Variants in PPP5C observed in about 807,000 individuals in gnomAD.
The protein encoded by PPP5C is serine/threonine-protein phosphatase 5.
PPP5C carries 21 observed loss-of-function variants against 66.7 expected under a neutral mutation model. That is an observed-to-expected ratio of 0.31 (90% CI 0.22 to 0.45). The LOEUF (loss-of-function observed/expected upper bound fraction) is 0.45, where lower values mean the gene tolerates loss of function less well. PPP5C is among the 20% of genes least tolerant of loss of function. PPP5C has a pLI of 1.00. For missense variants in PPP5C, 464 were observed against 675.9 expected, an observed-to-expected ratio of 0.69 and a Z score of 3.48; for synonymous variants, 246 against 257.4, an observed-to-expected ratio of 0.96 and a Z score of 0.43.
intron 2 of PPP5C, among the ~76,000 whole-genome samples, chr19:46,372,817 TA>T (rs966896474): frequency 3.2e-4 from 48 of 151,834 alleles, no homozygotes; most frequent in African/African-American, 1.1e-3. Context: ...ACTGCCACTT[TA>T]AAAAAAAAGT....
intron 11 of PPP5C, among the ~76,000 whole-genome samples, chr19:46,389,362 AAC>A (rs57181889): frequency 9.2e-5 from 9 of 98,032 alleles, no homozygotes; most frequent in East Asian, 6.8e-4. Flanking sequence ...TCCATCTCAA[AAC>A]ACACACACAC....
intron 2 of PPP5C, among the ~76,000 whole-genome samples, chr19:46,363,493 GATC>G (rs1972436683): frequency 6.6e-6 from 1 of 151,092 alleles, no homozygotes; most frequent in African/African-American, 2.4e-5. Flanking sequence ...GCAGTGGCGC[GATC>G]TCGGCTCACT....
chr19:46,366,782 C>G (rs1335936629), intron 2 of PPP5C, among the ~76,000 whole-genome samples: 1 of 152,180 alleles, frequency 6.6e-6, no homozygotes, highest in African/African-American at 2.4e-5. Context: ...GTTACGGTGT[C>G]TGTGGTTGGT....
chr19:46,378,164 T>G (rs528720545), intron 4 of PPP5C, among the ~76,000 whole-genome samples: 4 of 152,364 alleles, frequency 2.6e-5, no homozygotes, highest in Admixed American at 2.6e-4. Flanking sequence ...AGGCAGTAAG[T>G]TAGCTGCGTC....
chr19:46,388,288 C>T lies in PPP5C; in HGVS notation c.1136-120C>T, dbSNP rs1166772281. 9.0e-7 allele frequency: 1 copy of T among 1,115,402 alleles called. No individual in the cohort carries two copies. Among genetic ancestry groups the T allele is most frequent in the Non-Finnish European group, 1.3e-6 (1 of 793,516 alleles). 69.1% of individuals were successfully genotyped at this position (1,115,402 alleles called of 1,614,324 possible). A position where few individuals can be genotyped will look rare whatever the true frequency, so the allele number is the denominator to read the frequency against. On this transcript the variant is annotated intron_variant, in intron 9 of 12. Coordinates refer to ENST00000012443, the MANE Select transcript of PPP5C (RefSeq NM_006247.4). This position sits in a 1 kb window ranked among gnomAD's most constrained non-coding sequence, Gnocchi z 4.9. The stretch of plus-strand genomic sequence containing the variant: ...CCATGTCCATGCTGGATGTCCCCTG[C>T]CCAACACCCACCCAGGCTGGGCTGT...
At chr19:46,370,566 GCTT>G (rs1460593858) in intron 2 of PPP5C, among the ~76,000 whole-genome samples, 1 of 152,176 alleles carries the variant, frequency 6.6e-6, no homozygotes, top group Non-Finnish European at 1.5e-5. Context: ...GGTTCGCTTG[GCTT>G]CTTTTTTCGT....
chr19:46,389,353 CCATCTCAAAACA>C (rs1972953757), intron 11 of PPP5C, among the ~76,000 whole-genome samples: 1 of 134,600 alleles, frequency 7.4e-6, no homozygotes, highest in African/African-American at 3.1e-5. Flanking sequence ...GAGTAAGACT[CCATCTCAAAACA>C]CACACACACA....
intron 11 of PPP5C, 133 bp from the exon 12 acceptor site, chr19:46,389,918 C>T: frequency 2.7e-6 from 2 of 746,796 alleles, no homozygotes; most frequent in East Asian, 2.6e-5. Context: ...CTCTGTCTCT[C>T]TGTCCATCTG....
chr19:46,352,833 AAAAG>A (rs1972213713), intron 1 of PPP5C, among the ~76,000 whole-genome samples: 1 of 151,484 alleles, frequency 6.6e-6, no homozygotes, highest in Admixed American at 6.6e-5. Context: ...AAAAAAAAAA[AAAAG>A]AAGGCCCACT....
chr19:46,355,448 C>T (rs1972268940), intron 2 of PPP5C, among the ~76,000 whole-genome samples: 1 of 152,114 alleles, frequency 6.6e-6, no homozygotes, highest in Admixed American at 6.5e-5. Context: ...AGACACTGTC[C>T]TGGCTGTTGG....
intron 1 of PPP5C, among the ~76,000 whole-genome samples, chr19:46,349,396 A>AG (rs958428852): frequency 1.3e-5 from 2 of 152,014 alleles, no homozygotes; most frequent in Admixed American, 1.3e-4. Flanking sequence ...TGCACAGGAG[A>AG]GGGGGGACTT....
chr19:46,357,773 G>T (rs1972312434), intron 2 of PPP5C, among the ~76,000 whole-genome samples: 1 of 152,204 alleles, frequency 6.6e-6, no homozygotes, highest in Non-Finnish European at 1.5e-5. Context: ...CAACGTGTGG[G>T]ATGGAGTGCA....
intron 1 of PPP5C, among the ~76,000 whole-genome samples, chr19:46,350,372 C>T (rs1349553176): frequency 2.0e-5 from 3 of 152,182 alleles, no homozygotes; most frequent in Non-Finnish European, 4.4e-5. Context: ...TGGGAGCAGC[C>T]TGCATGGGGG....
In PPP5C at chr19:46,355,219, A is replaced by G. The variant is rs1305666606; in HGVS notation, c.363+1230A>G. Among the ~76,000 whole-genome samples, 12 of 152,332 alleles carry G rather than the reference A, an allele frequency of 7.9e-5. No homozygotes were observed. In the South Asian group the frequency reaches 2.1e-3, roughly 26 times the overall value. On this transcript the variant is annotated intron_variant, in intron 2 of 12. Coordinates refer to ENST00000012443, the MANE Select transcript of PPP5C (RefSeq NM_006247.4). ...ACGGGGCCGTGCGCTTGTCCTGCGC[A>G]TGGGGATGGTGCAGCAGGGGGCTTG...
At chr19:46,381,028 C>T (rs1237536435) in intron 4 of PPP5C, among the ~76,000 whole-genome samples, 1 of 152,150 alleles carries the variant, frequency 6.6e-6, no homozygotes, top group East Asian at 1.9e-4. Context: ...TTCCTTAGAT[C>T]TTAATGACCT....
intron 11 of PPP5C, among the ~76,000 whole-genome samples, chr19:46,389,637 A>C (rs1411060089): frequency 6.6e-6 from 1 of 151,824 alleles, no homozygotes; most frequent in Non-Finnish European, 1.5e-5. Flanking sequence ...TTGTTGAAGA[A>C]TAGGTTGCTG....
chr19:46,387,165 A>T lies in PPP5C; in HGVS notation c.977A>T (p.Gln326Leu), dbSNP rs750238426. 1 of 1,614,246 alleles carries T rather than the reference A, an allele frequency of 6.2e-7. No homozygotes were observed. The highest frequency in any genetic ancestry group is 1.1e-5 in the South Asian group (1 of 91,084). ...GAGGTGAAGGCCAAGTACACAGCCC[A>T]GATGTACGAGCTCTTTAGCGAGGTG... ...EGEVKAKYTA[Q>L]MYELFSEVFE... is the part of the protein sequence containing the mutation. Residue 326 changes from glutamine to leucine, a missense_variant, in exon 8 of 13, where the codon CAG becomes CTG. Gln to Leu is a moderately radical substitution (Grantham distance 113). Transcript: ENST00000012443.
intron 1 of PPP5C, among the ~76,000 whole-genome samples, chr19:46,351,811 A>G (rs1165354299): frequency 6.6e-6 from 1 of 152,244 alleles, no homozygotes; most frequent in Non-Finnish European, 1.5e-5. Flanking sequence ...CTCAACAGTG[A>G]CGATGAGAGT....
In PPP5C at chr19:46,388,345, C is replaced by A; in HGVS notation, c.1136-63C>A. On this transcript the variant is annotated intron_variant, in intron 9 of 12. Transcript: ENST00000012443. The surrounding 1 kb of genome is among the most constrained non-coding windows in gnomAD (Gnocchi z 4.9). ...AGCACCTGGCCGGGCCAGGAGGTGG[C>A]CTGTGAGTGACCACCCCCGGGGAGG... 1.3e-6 allele frequency: 2 copies of A among 1,537,292 alleles called. No homozygotes were observed. The highest frequency in any genetic ancestry group is 1.8e-5 in the Admixed American group (1 of 54,964).
Sources: gnomAD v4.1 joint callset for allele counts (sites outside exome capture counted in the v4.1 genomes callset) on GRCh38, gnomAD v4.1.1 for gene constraint, Gnocchi (gnomAD v3.1) non-coding constraint, MANE v1.5 for transcripts, NCBI Gene and HGNC (gene_info 2026-07-23, HGNC 2026-07-21) for gene names.